SMYD3: variants seen among roughly 807,000 people sequenced by gnomAD.
The protein encoded by SMYD3 is SET and MYND domain containing 3, also known as histone-lysine N-methyltransferase SMYD3.
Under a neutral mutation model 57.7 loss-of-function variants are expected in SMYD3, and 36 were observed. The observed-to-expected ratio is 0.62, with a 90% CI of 0.48 to 0.82. SMYD3 has a LOEUF of 0.82. SMYD3 is among the 40% of genes least tolerant of loss of function. SMYD3 has a pLI of 0.00. For missense variants in SMYD3, 515 were observed against 538.8 expected (o/e 0.96, Z 0.44); for synonymous variants, 211 against 195.0 (o/e 1.08, Z -0.68).
At position 245,838,886 on chromosome 1, in the gene SMYD3, C is replaced by T. The variant is rs1373867275; in HGVS notation, c.1076+19610G>A. ...GACATACAATCCCACCCGTATGAAACCTAAAATCTAGAGGCGTTGCATTAT... is the reference window on the plus strand; with the variant it reads ...GACATACAATCCCACCCGTATGAAATCTAAAATCTAGAGGCGTTGCATTAT... On this transcript the variant is annotated intron_variant, in intron 10 of 11. Transcript: ENST00000490107. Among the ~76,000 whole-genome samples, 3 of 152,322 alleles carry T rather than the reference C, an allele frequency of 2.0e-5. No individual in the cohort carries two copies. The East Asian group carries it at 5.8e-4, about 29-fold the overall frequency.
At chr1:245,871,261 G>A (rs1248895201) in intron 8 of SMYD3, among the ~76,000 whole-genome samples, 1 of 152,208 alleles carries the variant, frequency 6.6e-6, no homozygotes, top group Admixed American at 6.5e-5. Flanking sequence ...AGGTAGTCTG[G>A]TTGGGGCAAT....
At chr1:245,798,388 GCGCA>G (rs2047650784) in intron 10 of SMYD3, among the ~76,000 whole-genome samples, 1 of 2,380 alleles carries the variant, frequency 4.2e-4, no homozygotes, top group Non-Finnish European at 7.0e-4. Context: ...ACACACACAC[GCGCA>G]CACACACACA....
chr1:246,257,052 A>G (rs972194258), intron 5 of SMYD3, among the ~76,000 whole-genome samples: 4 of 152,118 alleles, frequency 2.6e-5, no homozygotes, highest in Non-Finnish European at 5.9e-5. Flanking sequence ...ATTTTTTCAA[A>G]TTTATTGAAA....
At chr1:246,368,908 T>C (rs1316418896) in intron 1 of SMYD3, among the ~76,000 whole-genome samples, 1 of 152,220 alleles carries the variant, frequency 6.6e-6, no homozygotes, top group African/African-American at 2.4e-5. Context: ...AGATGACCTA[T>C]ATTGGGACCT....
At chr1:246,255,048 A>G (rs966912355) in intron 5 of SMYD3, among the ~76,000 whole-genome samples, 5 of 152,196 alleles carry the variant, frequency 3.3e-5, no homozygotes, top group Non-Finnish European at 2.9e-5. Flanking sequence ...GGGACTTTAC[A>G]GGTATATAAT....
chr1:246,056,510 C>A (rs1218535570), intron 5 of SMYD3, among the ~76,000 whole-genome samples: 1 of 151,832 alleles, frequency 6.6e-6, no homozygotes, highest in African/African-American at 2.4e-5. Flanking sequence ...CAGTTTGTAA[C>A]CACCGTGTTT....
chr1:246,364,660 A>C (rs531723254), intron 1 of SMYD3, among the ~76,000 whole-genome samples: 2 of 152,344 alleles, frequency 1.3e-5, no homozygotes, highest in African/African-American at 4.8e-5. Flanking sequence ...TCACCCCTGA[A>C]AGAACAGAAG....
intron 5 of SMYD3, among the ~76,000 whole-genome samples, chr1:246,248,636 CTT>C (rs1178698803): frequency 1.9e-5 from 1 of 52,104 alleles, no homozygotes; most frequent in Non-Finnish European, 3.2e-5. Flanking sequence ...TCTGACTTTC[CTT>C]TTTTTTTTTT....
At chr1:246,483,085 T>A (rs1400872693) in intron 1 of SMYD3, among the ~76,000 whole-genome samples, 2 of 152,200 alleles carry the variant, frequency 1.3e-5, no homozygotes, top group East Asian at 1.9e-4. Context: ...GGATTTACTG[T>A]TCATAACAAC....
intron 10 of SMYD3, among the ~76,000 whole-genome samples, chr1:245,826,253 C>T (rs2049485244): frequency 6.6e-6 from 1 of 151,916 alleles, no homozygotes. Context: ...TTGAATTTGC[C>T]TGCTTTAGAT....
rs540794395 is a variant in SMYD3, at chr1:245,924,952, C to T, written c.702+2979G>A. 1.1e-4 allele frequency among the ~76,000 whole-genome samples: 17 copies of T among 151,886 alleles called. No individual in the cohort carries two copies. In the East Asian group the frequency reaches 1.5e-3, roughly 14 times the overall value. Reference sequence around the variant, plus strand: ...GTGCTGAGATTACAGGCATGAGCCACGGTGCCCAGCCCTATTCCAGCTCTT... The same window carrying T: ...GTGCTGAGATTACAGGCATGAGCCATGGTGCCCAGCCCTATTCCAGCTCTT... On this transcript the variant is annotated intron_variant, in intron 7 of 11. Transcript: ENST00000490107.
chr1:245,761,124 C>T (rs1293890106), intron 11 of SMYD3, among the ~76,000 whole-genome samples: 1 of 152,158 alleles, frequency 6.6e-6, no homozygotes, highest in Non-Finnish European at 1.5e-5. Flanking sequence ...GACTCAATGA[C>T]TTTTGTAGAG....
chr1:245,944,508 A>C (rs1005661468), intron 5 of SMYD3, among the ~76,000 whole-genome samples: 3 of 152,260 alleles, frequency 2.0e-5, no homozygotes, highest in Non-Finnish European at 4.4e-5. Flanking sequence ...AATAAATGGA[A>C]AAATATTCCA....
intron 5 of SMYD3, among the ~76,000 whole-genome samples, chr1:246,281,648 G>A (rs1057100953): frequency 1.3e-5 from 2 of 152,144 alleles, no homozygotes; most frequent in African/African-American, 4.8e-5. Flanking sequence ...AAAAACATCT[G>A]CAAAACATAC....
At chr1:245,860,368 A>G (rs1301143645) in intron 9 of SMYD3, among the ~76,000 whole-genome samples, 1 of 152,206 alleles carries the variant, frequency 6.6e-6, no homozygotes, top group Admixed American at 6.5e-5. Context: ...CCCTTCTCAG[A>G]ACACGGCTTT....
At chr1:246,003,340 G>C (rs2059113064) in intron 5 of SMYD3, among the ~76,000 whole-genome samples, 1 of 152,220 alleles carries the variant, frequency 6.6e-6, no homozygotes, top group Admixed American at 6.5e-5. Flanking sequence ...ATCTGGTGGA[G>C]CGGTGGGACT....
chr1:246,411,417 C>G (rs1002493319), intron 1 of SMYD3, among the ~76,000 whole-genome samples: 17 of 152,200 alleles, frequency 1.1e-4, no homozygotes, highest in African/African-American at 4.1e-4. Flanking sequence ...GTCAGTGTGG[C>G]GATTCCTCAG....
intron 5 of SMYD3, among the ~76,000 whole-genome samples, chr1:246,085,692 G>A (rs966424755): frequency 3.3e-5 from 5 of 152,042 alleles, no homozygotes; most frequent in Admixed American, 6.5e-5. Context: ...ACAAGCTCAC[G>A]TTTAACTGCT....
intron 1 of SMYD3, among the ~76,000 whole-genome samples, chr1:246,428,068 G>A (rs929432629): frequency 3.9e-5 from 6 of 152,146 alleles, no homozygotes; most frequent in Non-Finnish European, 8.8e-5. Context: ...TCTTGACAAT[G>A]TAGGAATTGA....
Sources: gnomAD v4.1 joint callset for allele counts (sites outside exome capture counted in the v4.1 genomes callset) on GRCh38, gnomAD v4.1.1 for gene constraint, MANE v1.5 for transcripts, NCBI Gene and HGNC (gene_info 2026-07-23, HGNC 2026-07-21) for gene names.